ANK3: variants seen among roughly 807,000 people sequenced by gnomAD.
The protein encoded by ANK3 is ankyrin-3.
A neutral mutation model predicts 370.9 loss-of-function variants in ANK3; 57 were observed. The observed-to-expected ratio is 0.15, with a 90% CI of 0.12 to 0.19. ANK3 has a LOEUF of 0.19. Ranked by LOEUF, ANK3 falls within the 10% of genes least tolerant of loss-of-function variation. The pLI is 1.00. For synonymous variants in ANK3, 1,929 were observed against 1,946.3 expected (o/e 0.99, Z 0.23); for missense variants, 4,439 against 5,302.1 (o/e 0.84, Z 5.06).
chr10:60,653,265 TAGA>T (rs2078816662), intron 1 of ANK3, among the ~76,000 whole-genome samples: 1 of 152,166 alleles, frequency 6.6e-6, no homozygotes, highest in Middle Eastern at 3.2e-3. Context: ...AGTTTTCTTC[TAGA>T]AGATTTACAA....
intron 1 of ANK3, among the ~76,000 whole-genome samples, chr10:60,650,615 A>T (rs2078775015): frequency 6.6e-6 from 1 of 152,170 alleles, no homozygotes; most frequent in South Asian, 2.1e-4. Context: ...AAAATCTGAA[A>T]TTTTATGGAG....
chr10:60,549,140 T>TACACACACACACAC (rs3047236), intron 2 of ANK3, among the ~76,000 whole-genome samples: 8 of 145,540 alleles, frequency 5.5e-5, no homozygotes, highest in African/African-American at 2.0e-4. Flanking sequence ...GCATGTTTCA[T>TACACACACACACAC]ACACACACAC....
intron 1 of ANK3, among the ~76,000 whole-genome samples, chr10:60,688,526 T>C (rs969747129): frequency 6.6e-6 from 1 of 152,216 alleles, no homozygotes; most frequent in African/African-American, 2.4e-5. Flanking sequence ...AGCTTTAAAA[T>C]TGATATAGCT....
intron 25 of ANK3, among the ~76,000 whole-genome samples, 169 bp from the exon 26 acceptor site, chr10:60,114,500 T>A (rs2092946470): frequency 6.6e-6 from 1 of 152,222 alleles, no homozygotes; most frequent in Non-Finnish European, 1.5e-5. Context: ...GAGTGTAATG[T>A]TAGAAAACAA....
At chr10:60,341,676 T>G (rs187226857) in intron 1 of ANK3, among the ~76,000 whole-genome samples, 1 of 152,286 alleles carries the variant, frequency 6.6e-6, no homozygotes, top group Non-Finnish European at 1.5e-5. Context: ...CCTGGTTCCT[T>G]TTTGTGTTCT....
chr10:60,446,621 A>C lies in ANK3; in HGVS notation c.97-166982T>G, dbSNP rs187575615. Among the ~76,000 whole-genome samples the C allele has an allele frequency of 2.4e-3, 366 of 152,306 alleles. 1 individual carries two copies. Among genetic ancestry groups the C allele is most frequent in the African/African-American group, 8.0e-3 (334 of 41,574 alleles). ...CTTGTTTGTTCTTTTGAGCTTTTCC[A>C]TACAGCCAAGGGCAGATAACATGTA... is the stretch of plus-strand genomic sequence containing the variant. On this transcript the variant is annotated intron_variant, in intron 2 of 43. Transcript: ENST00000373827.
chr10:60,111,208 T>G (rs951527037), intron 26 of ANK3, among the ~76,000 whole-genome samples: 1 of 152,150 alleles, frequency 6.6e-6, no homozygotes, highest in African/African-American at 2.4e-5. Flanking sequence ...ATCTCAGCTG[T>G]AAAGAATATC....
At chr10:60,409,989 GT>G (rs1405210637) in intron 2 of ANK3, among the ~76,000 whole-genome samples, 1 of 151,852 alleles carries the variant, frequency 6.6e-6, no homozygotes, top group Admixed American at 6.6e-5. Flanking sequence ...ATCCCCTCTG[GT>G]CCACTACCAG....
chr10:60,358,531 T>A (rs935971425), intron 1 of ANK3, among the ~76,000 whole-genome samples: 5 of 152,212 alleles, frequency 3.3e-5, no homozygotes, highest in African/African-American at 1.2e-4. Flanking sequence ...TGCTCAGTCA[T>A]CCTCTATTCT....
At chr10:60,424,677 C>A (rs912000629) in intron 2 of ANK3, among the ~76,000 whole-genome samples, 1 of 152,052 alleles carries the variant, frequency 6.6e-6, no homozygotes, top group Non-Finnish European at 1.5e-5. Flanking sequence ...TTAGTTCCCT[C>A]AATTTCCTAG....
intron 41 of ANK3, 81 bp from the exon 42 acceptor site, chr10:60,056,117 G>C: frequency 1.4e-6 from 2 of 1,460,698 alleles, no homozygotes; most frequent in Non-Finnish European, 9.1e-7. Context: ...TTTAAGAACT[G>C]TGTCTTTTGC....
intron 7 of ANK3, among the ~76,000 whole-genome samples, chr10:60,242,135 T>C (rs1031030281): frequency 1.3e-5 from 2 of 152,136 alleles, no homozygotes; most frequent in African/African-American, 2.4e-5. Flanking sequence ...TCAGACAAGG[T>C]TTTTAGTCTC....
chr10:60,364,491 A>G (rs2059121111), intron 1 of ANK3, among the ~76,000 whole-genome samples: 2 of 152,052 alleles, frequency 1.3e-5, no homozygotes, highest in South Asian at 4.2e-4. Flanking sequence ...GGAGTTGAAC[A>G]ATGAGAACAC....
chr10:60,255,658 G>A (rs1213511845), intron 7 of ANK3, among the ~76,000 whole-genome samples: 1 of 148,400 alleles, frequency 6.7e-6, no homozygotes, highest in Non-Finnish European at 1.5e-5. Context: ...TGACATTGAA[G>A]GGAAGGAAGG....
At chr10:60,581,350 A>G (rs1375381781) in intron 2 of ANK3, among the ~76,000 whole-genome samples, 2 of 151,612 alleles carry the variant, frequency 1.3e-5, no homozygotes, top group Non-Finnish European at 2.9e-5. Flanking sequence ...GGTACCAAGC[A>G]TCTTTACACA....
At chr10:60,470,745 GA>G (rs2065197575) in intron 2 of ANK3, among the ~76,000 whole-genome samples, 1 of 152,016 alleles carries the variant, frequency 6.6e-6, no homozygotes, top group South Asian at 2.1e-4. Flanking sequence ...GGAGTGGGAG[GA>G]AATGGAATAG....
At chr10:60,347,379 C>T (rs375811047) in intron 1 of ANK3, among the ~76,000 whole-genome samples, 9 of 151,676 alleles carry the variant, frequency 5.9e-5, no homozygotes, top group African/African-American at 2.2e-4. Context: ...CCAATTTTTG[C>T]TTGTGTATCT....
intron 36 of ANK3, among the ~76,000 whole-genome samples, chr10:60,079,777 G>A (rs773693642): frequency 6.6e-6 from 1 of 152,114 alleles, no homozygotes; most frequent in Non-Finnish European, 1.5e-5. Flanking sequence ...GAGATCACCA[G>A]AGGTGATGAT....
At chr10:60,683,466 T>C (rs1018231911) in intron 1 of ANK3, among the ~76,000 whole-genome samples, 2 of 152,212 alleles carry the variant, frequency 1.3e-5, no homozygotes, top group South Asian at 4.1e-4. Context: ...ACACAGGATG[T>C]AGTACTTTGT....
Sources: gnomAD v4.1 joint callset for allele counts (sites outside exome capture counted in the v4.1 genomes callset) on GRCh38, gnomAD v4.1.1 for gene constraint, MANE v1.5 for transcripts, NCBI Gene and HGNC (gene_info 2026-07-23, HGNC 2026-07-21) for gene names.